Variants in DOK6 observed in about 807,000 individuals in gnomAD.
The protein encoded by DOK6 is downstream of tyrosine kinase 6.
In DOK6, 22 loss-of-function variants were observed where a neutral mutation model predicts 44.0. The ratio of observed to expected loss-of-function variants is 0.50; its 90% CI spans 0.36 to 0.71. DOK6 has a LOEUF of 0.71. Among genes scored for constraint, DOK6 ranks in the 30% least tolerant of loss-of-function variants. DOK6 has a pLI of 0.00. For missense variants in DOK6, 340 were observed against 416.4 expected (o/e 0.82, Z 1.60); for synonymous variants, 166 against 145.5 (o/e 1.14, Z -1.01).
At chr18:69,649,669 G>C (rs1411171922) in intron 3 of DOK6, among the ~76,000 whole-genome samples, 3 of 151,932 alleles carry the variant, frequency 2.0e-5, no homozygotes, top group Non-Finnish European at 4.4e-5. Flanking sequence ...ATTAGTAAAG[G>C]GCCTGATATA....
chr18:69,763,313 T>C (rs1979621718), intron 7 of DOK6, among the ~76,000 whole-genome samples: 1 of 152,170 alleles, frequency 6.6e-6, no homozygotes, highest in Non-Finnish European at 1.5e-5. Flanking sequence ...ATCATAAGGA[T>C]AGTTGATTTG....
chr18:69,585,927 T>C (rs1410443421), intron 2 of DOK6, among the ~76,000 whole-genome samples: 1 of 152,232 alleles, frequency 6.6e-6, no homozygotes, highest in Non-Finnish European at 1.5e-5. Context: ...CTTGTATCTT[T>C]TGAACAGCTG....
At chr18:69,536,886 G>T (rs1472682416) in intron 1 of DOK6, among the ~76,000 whole-genome samples, 1 of 151,574 alleles carries the variant, frequency 6.6e-6, no homozygotes, top group African/African-American at 2.4e-5. Flanking sequence ...GAAAGAACAA[G>T]GGCTCAATTG....
intron 1 of DOK6, among the ~76,000 whole-genome samples, chr18:69,434,377 C>T (rs1278127316): frequency 6.6e-6 from 1 of 152,298 alleles, no homozygotes; most frequent in African/African-American, 2.4e-5. Flanking sequence ...CCCCTTCAGA[C>T]TGTGATGAGT....
At chr18:69,724,096 T>G (rs1297776612) in intron 5 of DOK6, among the ~76,000 whole-genome samples, 2 of 152,180 alleles carry the variant, frequency 1.3e-5, no homozygotes, top group Admixed American at 6.5e-5. Flanking sequence ...TCCCCTTCAA[T>G]TTGTAGGAAT....
chr18:69,647,731 G>A (rs954225347), intron 3 of DOK6, among the ~76,000 whole-genome samples: 12 of 152,096 alleles, frequency 7.9e-5, no homozygotes, highest in African/African-American at 2.9e-4. Flanking sequence ...AGAATCTGCT[G>A]GTGATCTGGA....
chr18:69,469,805 C>A, intron 1 of DOK6: 1 of 231,876 alleles, frequency 4.3e-6, no homozygotes. Context: ...GCGGCAGAGG[C>A]GCCCCCACTG....
chr18:69,543,324 C>T (rs182939817), intron 1 of DOK6, among the ~76,000 whole-genome samples: 1 of 151,696 alleles, frequency 6.6e-6, no homozygotes, highest in East Asian at 1.9e-4. Flanking sequence ...AGTTTGGATA[C>T]ACTTCACTCT....
At chr18:69,712,835 A>T (rs1986799607) in intron 5 of DOK6, among the ~76,000 whole-genome samples, 1 of 152,198 alleles carries the variant, frequency 6.6e-6, no homozygotes, top group Non-Finnish European at 1.5e-5. Context: ...CGACAGAGTG[A>T]GACTCTGTTT....
In DOK6 at chr18:69,547,711, T is replaced by C. The variant is rs1982443943; in HGVS notation, c.67-16776T>C. On this transcript the variant is annotated intron_variant, in intron 1 of 7. Transcript: ENST00000382713. Reference sequence around the variant, plus strand: ...ATGTCTCTTCATCCACCCTCATCCATACACCCTTCTTAGCCTCTGGTAACC... The same window carrying C: ...ATGTCTCTTCATCCACCCTCATCCACACACCCTTCTTAGCCTCTGGTAACC... 2.6e-5 allele frequency among the ~76,000 whole-genome samples: 4 copies of C among 151,046 alleles called. No homozygotes were observed. The South Asian group carries it at 8.5e-4, about 32-fold the overall frequency.
intron 1 of DOK6, among the ~76,000 whole-genome samples, chr18:69,435,061 A>C (rs1246720226): frequency 1.0e-4 from 15 of 148,870 alleles, no homozygotes; most frequent in South Asian, 4.4e-4. Flanking sequence ...GAAGGAAGGA[A>C]GGAAGGAAGG....
At chr18:69,463,414 G>A (rs758053591) in intron 1 of DOK6, among the ~76,000 whole-genome samples, 21 of 151,870 alleles carry the variant, frequency 1.4e-4, no homozygotes, top group Non-Finnish European at 2.4e-4. Context: ...CTTGGCATTT[G>A]GAGATGAACA....
chr18:69,569,323 A>G (rs1983060017), intron 2 of DOK6, among the ~76,000 whole-genome samples: 1 of 152,220 alleles, frequency 6.6e-6, no homozygotes, highest in Non-Finnish European at 1.5e-5. Context: ...GCAACTCACA[A>G]CTAAAGCTTA....
intron 7 of DOK6, among the ~76,000 whole-genome samples, chr18:69,830,379 C>T (rs1981866771): frequency 6.6e-6 from 1 of 152,130 alleles, no homozygotes; most frequent in Non-Finnish European, 1.5e-5. Context: ...AAAATGAGAT[C>T]ATATGGGTAG....
chr18:69,726,638 C>T (rs967844474), intron 5 of DOK6, among the ~76,000 whole-genome samples: 3 of 151,860 alleles, frequency 2.0e-5, no homozygotes, highest in African/African-American at 4.8e-5. Context: ...AACACACACA[C>T]ATATATGTAC....
intron 1 of DOK6, among the ~76,000 whole-genome samples, chr18:69,545,554 C>T (rs1055035874): frequency 2.7e-5 from 4 of 149,128 alleles, no homozygotes; most frequent in East Asian, 3.9e-4. Context: ...AACACTTGAC[C>T]TCCTCAAAAA....
chr18:69,740,807 T>C (rs1475601697), intron 6 of DOK6, among the ~76,000 whole-genome samples: 1 of 152,250 alleles, frequency 6.6e-6, no homozygotes, highest in Non-Finnish European at 1.5e-5. Context: ...AAGTGTTCAT[T>C]ATGGATGACG....
At chr18:69,779,964 GTGT>G in intron 7 of DOK6, among the ~76,000 whole-genome samples, 1 of 151,834 alleles carries the variant, frequency 6.6e-6, no homozygotes. Flanking sequence ...CCTATTTATT[GTGT>G]TATTACTGGA....
chr18:69,766,560 T>C (rs963569588), intron 7 of DOK6, among the ~76,000 whole-genome samples: 3 of 152,094 alleles, frequency 2.0e-5, no homozygotes, highest in Admixed American at 2.0e-4. Context: ...ATTCTTACAA[T>C]AAAGAAGTAA....
Sources: allele counts gnomAD v4.1 joint callset (sites outside exome capture counted in the v4.1 genomes callset), GRCh38; gene constraint gnomAD v4.1.1; transcripts MANE v1.5; gene names NCBI Gene and HGNC (gene_info 2026-07-23, HGNC 2026-07-21).